Variants in RASEF observed in about 807,000 individuals in gnomAD.
RASEF encodes ras and EF-hand domain-containing protein.
A neutral mutation model predicts 90.1 loss-of-function variants in RASEF; 68 were observed. The ratio of observed to expected loss-of-function variants is 0.75; its 90% CI spans 0.62 to 0.92. The LOEUF (loss-of-function observed/expected upper bound fraction) is 0.92. Ranked by LOEUF, RASEF falls within the 40% of genes least tolerant of loss-of-function variation. RASEF has a pLI of 0.00. For synonymous variants in RASEF, 331 were observed against 345.2 expected (o/e 0.96, Z 0.46); for missense variants, 949 against 937.2 (o/e 1.01, Z -0.16).
the RASEF span, among the ~76,000 whole-genome samples, chr9:83,156,610 C>T: frequency 6.6e-6 from 1 of 152,170 alleles, no homozygotes; most frequent in African/African-American, 2.4e-5. Context: ...GGATTCCACA[C>T]TCATTTATAT....
chr9:83,090,279 G>C, the RASEF span, among the ~76,000 whole-genome samples: 2 of 151,888 alleles, frequency 1.3e-5, no homozygotes, highest in African/African-American at 4.8e-5. Context: ...GCTTTATTTA[G>C]GTCTTTTAAC....
At chr9:83,021,589 C>A (rs1286912137) in intron 3 of RASEF, among the ~76,000 whole-genome samples, 1 of 152,178 alleles carries the variant, frequency 6.6e-6, no homozygotes, top group Non-Finnish European at 1.5e-5. Flanking sequence ...TCCACAAGTT[C>A]TGCATCTGCG....
chr9:83,004,404 A>G (rs1429953915), intron 9 of RASEF, 94 bp downstream of exon 9: 1 of 312,486 alleles, frequency 3.2e-6, no homozygotes, highest in South Asian at 5.0e-5. Flanking sequence ...TGACCAAAGT[A>G]TATTCTATTA....
Position 82,997,003 on chromosome 9 carries a change from A to G in RASEF, c.1920+9T>C. 1.3e-6 allele frequency: 2 copies of G among 1,484,218 alleles called. No homozygotes were observed. Among genetic ancestry groups the G allele is most frequent in the African/African-American group, 1.4e-5 (1 of 72,408 alleles). The allele number at this position is 1,484,218 out of a possible 1,614,324, so 91.9% of individuals were successfully genotyped here. A position where few individuals can be genotyped will look rare whatever the true frequency, so the allele number is the denominator to read the frequency against. On this transcript the variant is annotated intron_variant, in intron 14 of 16. Coordinates refer to ENST00000376447, the MANE Select transcript of RASEF (RefSeq NM_152573.4). ...TGTAATTTTCTGTTTCTCCATTATG[A>G]TTTCTTACCTCAATCATATCTACCC...
the RASEF span, among the ~76,000 whole-genome samples, chr9:83,090,335 G>A: frequency 6.6e-6 from 1 of 151,624 alleles, no homozygotes; most frequent in Admixed American, 6.6e-5. Context: ...TGAACCCAAT[G>A]TCTGGGATTC....
At position 83,049,099 on chromosome 9, in the gene RASEF, G is replaced by C. The variant is rs144029102; in HGVS notation, c.431+13338C>G. ...AGATCACACCACTGCACTCCAGCCA[G>C]GGTGACAGAGTGAGACTCCGTCTCC... On this transcript the variant is annotated intron_variant, in intron 1 of 16. Transcript: ENST00000376447. 1.8e-3 allele frequency among the ~76,000 whole-genome samples: 268 copies of C among 150,966 alleles called. 2 individuals carry two copies. The highest frequency in any genetic ancestry group is 6.3e-3 in the African/African-American group (258 of 40,914).
rs869205025 is a variant in RASEF, at chr9:82,982,390, TTTTCTTTTC to T, written c.*278_*286del. On this transcript the variant is annotated 3_prime_UTR_variant, in exon 17 of 17. Transcript: ENST00000376447. ...AGCTTTGATCTGAGCATGTGATTTC[TTTTCTTTTC>T]TTTTTTTTTACCATTTTAAAAACAT... is the stretch of plus-strand genomic sequence containing the variant. 2.2e-3 allele frequency: 100 copies of T among 45,180 alleles called. No homozygotes were observed. The East Asian group carries it at 0.051, about 23-fold the overall frequency. 2.8% of individuals were successfully genotyped at this position (45,180 alleles called of 1,614,324 possible).
At chr9:83,217,292 T>C in the RASEF span, among the ~76,000 whole-genome samples, 2 of 152,182 alleles carry the variant, frequency 1.3e-5, no homozygotes, top group Non-Finnish European at 2.9e-5. Flanking sequence ...GACTTTGGAC[T>C]GTGGACTTTT....
chr9:83,046,210 A>G (rs1564087915), intron 1 of RASEF, among the ~76,000 whole-genome samples: 1 of 152,126 alleles, frequency 6.6e-6, no homozygotes, highest in African/African-American at 2.4e-5. Flanking sequence ...CTAGTACCCA[A>G]TAGTTATCAT....
the RASEF span, among the ~76,000 whole-genome samples, chr9:83,133,777 A>G: frequency 6.6e-6 from 1 of 152,212 alleles, no homozygotes; most frequent in African/African-American, 2.4e-5. Flanking sequence ...TTCAATAAAA[A>G]TTTATCAATA....
chr9:83,076,508 T>C, the RASEF span, among the ~76,000 whole-genome samples: 1 of 152,170 alleles, frequency 6.6e-6, no homozygotes, highest in Non-Finnish European at 1.5e-5. Context: ...TTGTTGAGAA[T>C]GCCATGCCTT....
chr9:83,190,787 A>G, the RASEF span, among the ~76,000 whole-genome samples: 10 of 152,100 alleles, frequency 6.6e-5, no homozygotes, highest in African/African-American at 1.7e-4. Context: ...TGAAGCAATG[A>G]CTGGTGAAGA....
intron 1 of RASEF, among the ~76,000 whole-genome samples, chr9:83,037,021 C>G (rs1392313325): frequency 6.6e-6 from 1 of 152,016 alleles, no homozygotes; most frequent in Non-Finnish European, 1.5e-5. Context: ...AAATATAAAT[C>G]TCCTGAAGAG....
At chr9:83,164,257 T>A in the RASEF span, among the ~76,000 whole-genome samples, 50 of 149,978 alleles carry the variant, frequency 3.3e-4, no homozygotes, top group Non-Finnish European at 6.7e-4. Flanking sequence ...AAATTTTATT[T>A]TTCTTATTCT....
At chr9:83,174,404 A>G in the RASEF span, among the ~76,000 whole-genome samples, 1 of 151,968 alleles carries the variant, frequency 6.6e-6, no homozygotes, top group East Asian at 1.9e-4. Flanking sequence ...TATTTAAAAG[A>G]CTATTCTTTC....
the RASEF span, among the ~76,000 whole-genome samples, chr9:83,126,917 G>A: frequency 5.3e-5 from 8 of 152,270 alleles, no homozygotes; most frequent in African/African-American, 9.6e-5. Context: ...GATTCCCAGC[G>A]CTGCTTGTTT....
At chr9:82,986,328 C>T (rs1462721255) in intron 16 of RASEF, among the ~76,000 whole-genome samples, 1 of 152,194 alleles carries the variant, frequency 6.6e-6, no homozygotes, top group Admixed American at 6.5e-5. Context: ...ATCCAATGGC[C>T]TCTATCAGCT....
At chr9:83,211,080 C>G in the RASEF span, among the ~76,000 whole-genome samples, 1 of 152,190 alleles carries the variant, frequency 6.6e-6, no homozygotes, top group East Asian at 1.9e-4. Flanking sequence ...CAATATTCAC[C>G]AGTTGTTCCA....
upstream of RASEF, chr9:83,063,258 C>T: frequency 5.0e-6 from 1 of 200,416 alleles, no homozygotes; most frequent in Non-Finnish European, 9.9e-6. Flanking sequence ...CGGAGTCCAC[C>T]GCTGCTTGCC....
Sources: allele counts gnomAD v4.1 joint callset (sites outside exome capture counted in the v4.1 genomes callset), GRCh38; gene constraint gnomAD v4.1.1; transcripts MANE v1.5; gene names NCBI Gene and HGNC (gene_info 2026-07-23, HGNC 2026-07-21).